The following DECR2 variants were observed in gnomAD, a reference collection of about 807,000 sequenced individuals.
DECR2 encodes the protein peroxisomal 2,4-dienoyl-CoA reductase [(3E)-enoyl-CoA-producing].
Under a neutral mutation model 29.2 loss-of-function variants are expected in DECR2, and 34 were observed. The observed-to-expected ratio is 1.16, with a 90% CI of 0.89 to 1.55. The LOEUF (loss-of-function observed/expected upper bound fraction) is 1.55, where lower values mean the gene tolerates loss of function less well. Ranked by LOEUF, DECR2 falls within the 40% of genes most tolerant of loss-of-function variation. The pLI, the probability that DECR2 is intolerant of heterozygous loss-of-function variation, is 0.00. For missense variants in DECR2, 485 were observed against 425.3 expected (o/e 1.14, Z -1.23); for synonymous variants, 224 against 182.7 (o/e 1.23, Z -1.82).
In DECR2 at chr16:405,024, G is replaced by C; in HGVS notation, c.149G>C (p.Arg50Pro). The change falls in exon 2 of 9, where the codon CGG (arginine) becomes CCG (proline). Residue 50 changes from arginine (R) to proline (P), a missense_variant and splice_region_variant. Physicochemically the swap from Arg to Pro is moderately radical, Grantham distance 103. Transcript: ENST00000219481. ...IGFRIAEIFM[R>P]HGCHTVIASR... ...TTCCGGATTGCTGAGATTTTCATGC[G>C]GTGAGACTGCTCTGTGTCCCTTCCC... 6.2e-7 allele frequency: 1 copy of C among 1,614,052 alleles called. No individual in the cohort carries two copies. Among genetic ancestry groups the C allele is most frequent in the African/African-American group, 1.3e-5 (1 of 75,032 alleles).
Position 410,453 on chromosome 16 carries a change from G to C in DECR2, c.462+86G>C. The C allele has an allele frequency of 1.9e-6, 3 of 1,564,718 alleles. No homozygotes were observed. Among genetic ancestry groups the C allele is most frequent in the Non-Finnish European group, 1.7e-6 (2 of 1,154,448 alleles). ...AGAAGTTCTTCCGGGTGGGTGCCTT[G>C]TGCGCTCTGTGAGAAGTTCTTCCGG... On this transcript the variant is annotated intron_variant, in intron 5 of 8. Transcript: ENST00000219481. This position sits in a 1 kb window ranked among gnomAD's most constrained non-coding sequence, Gnocchi z 4.1.
At chr16:411,639 G>C in intron 8 of DECR2, 61 bp downstream of exon 8, 1 of 1,549,454 alleles carries the variant, frequency 6.5e-7, no homozygotes, top group Non-Finnish European at 8.8e-7. Context: ...TCACTGCATG[G>C]GCAGGTCTCT....
At chr16:404,849 C>G (rs935809008) in intron 1 of DECR2, 107 bp from the exon 2 acceptor site, 3 of 1,032,026 alleles carry the variant, frequency 2.9e-6, no homozygotes. Flanking sequence ...AAGCTGGTCT[C>G]GATCTCCTGA....
rs1027133091 is a variant in DECR2, at chr16:410,344, G to A, written c.439G>A (p.Val147Met). Residue 147 changes from valine to methionine, a missense_variant, in exon 5 of 9, where the codon GTG becomes ATG. Physicochemically the swap from Val to Met is conservative, Grantham distance 21. Transcript: ENST00000219481. The surrounding 1 kb of genome is among the most constrained non-coding windows in gnomAD (Gnocchi z 4.1). ...DTSGTFNVSR[V>M]LYEKFFRDHG... Reference sequence around the variant, plus strand: ...CAGCGGCACCTTCAATGTGTCTCGTGTGCTCTATGAGAAGTTCTTCCGGGT... The same window carrying A: ...CAGCGGCACCTTCAATGTGTCTCGTATGCTCTATGAGAAGTTCTTCCGGGT... 3.1e-6 allele frequency: 5 copies of A among 1,611,958 alleles called. No individual in the cohort carries two copies. Among genetic ancestry groups the A allele is most frequent in the African/African-American group, 1.3e-5 (1 of 74,850 alleles).
rs142463074 is a variant in DECR2 at position 410,837 on chromosome 16, G to T, written c.556+53G>T. The T allele has an allele frequency of 6.6e-7, 1 of 1,513,190 alleles. No homozygotes were observed. Among genetic ancestry groups the T allele is most frequent in the East Asian group, 2.5e-5 (1 of 40,776 alleles). The allele number at this position is 1,513,190 out of a possible 1,614,324, so 93.7% of individuals were successfully genotyped here. A position where few individuals can be genotyped will look rare whatever the true frequency, so the allele number is the denominator to read the frequency against. On this transcript the variant is annotated intron_variant, in intron 6 of 8. Transcript: ENST00000219481. This position sits in a 1 kb window ranked among gnomAD's most constrained non-coding sequence, Gnocchi z 4.1. The stretch of plus-strand genomic sequence containing the variant: ...TGCCCACGTGGGTCCCCAATGGGCC[G>T]TCTGCTTCCATCCCAGGAGGCCAGC...
At position 401,987 on chromosome 16, in the gene DECR2, G is replaced by C. The variant is rs1223042691; in HGVS notation, c.24G>C (p.Val8=). Residue 8 remains valine (V), a synonymous_variant, in exon 1 of 9, where the codon GTG becomes GTC. Transcript: ENST00000219481. The part of the protein sequence containing the change: MAQPPPD[V]EGDDCLPAYR... ...CCATGGCCCAGCCGCCGCCCGACGT[G>C]GAGGGGGACGACTGTCTCCCCGCGT... 2 of 1,491,182 alleles carry C rather than the reference G, an allele frequency of 1.3e-6. No individual in the cohort carries two copies. Among genetic ancestry groups the C allele is most frequent in the Non-Finnish European group, 1.8e-6 (2 of 1,128,640 alleles). The allele number at this position is 1,491,182 out of a possible 1,614,324, so 92.4% of individuals were successfully genotyped here. A position where few individuals can be genotyped will look rare whatever the true frequency, so the allele number is the denominator to read the frequency against.
At chr16:406,520 G>A (rs1597200053) in intron 3 of DECR2, 123 bp downstream of exon 3, 10 of 948,548 alleles carry the variant, frequency 1.1e-5, no homozygotes, top group Admixed American at 4.5e-5. Context: ...TTTCTGAGAC[G>A]GGAGTCTCGC....
intron 2 of DECR2, chr16:405,636 AG>A: frequency 7.7e-7 from 1 of 1,292,096 alleles, no homozygotes; most frequent in Non-Finnish European, 1.0e-6. Context: ...CCAAAGAACA[AG>A]GCAGACAGAT....
chr16:405,653 T>A, intron 2 of DECR2: 1 of 1,261,670 alleles, frequency 7.9e-7, no homozygotes, highest in Non-Finnish European at 1.1e-6. Context: ...CAGATCCCGT[T>A]TGTCTGTGTC....
At chr16:407,001 T>C (rs1352075278) in intron 3 of DECR2, 6 of 1,024,406 alleles carry the variant, frequency 5.9e-6, no homozygotes, top group Admixed American at 5.4e-5. Context: ...AATCTAGTTA[T>C]TGGGTTCTGG....
chr16:406,207 C>A (rs928887610), intron 2 of DECR2, 139 bp from the exon 3 acceptor site: 1 of 825,682 alleles, frequency 1.2e-6, no homozygotes, highest in Non-Finnish European at 1.9e-6. Flanking sequence ...GTCCTGTTCA[C>A]GCCCCTGTGC....
intron 4 of DECR2, among the ~76,000 whole-genome samples, chr16:409,224 T>G (rs1049416180): frequency 6.6e-6 from 1 of 151,948 alleles, no homozygotes; most frequent in South Asian, 2.1e-4. Flanking sequence ...CAGGCTGGAG[T>G]GCAGTGGCGC....
In DECR2 at chr16:411,341, A is replaced by AGCCTTCTGCTGCCCTCC; in HGVS notation, c.662-19_662-3dup. 1 of 1,595,382 alleles carries AGCCTTCTGCTGCCCTCC rather than the reference A, an allele frequency of 6.3e-7. No individual in the cohort carries two copies. Among genetic ancestry groups the AGCCTTCTGCTGCCCTCC allele is most frequent in the Non-Finnish European group, 8.5e-7 (1 of 1,174,760 alleles). On this transcript the variant is annotated intron_variant, in intron 7 of 8. Coordinates refer to ENST00000219481, the MANE Select transcript of DECR2 (RefSeq NM_020664.4). ...TGGGTCTTGGGGCTCACGGGGCCTG[A>AGCCTTCTGCTGCCCTCC]GCCTTCTGCTGCCCTCCAGGTGGCC...
chr16:411,241 C>T (rs962247822), intron 7 of DECR2, 120 bp from the exon 8 acceptor site: 8 of 1,204,132 alleles, frequency 6.6e-6, no homozygotes, highest in African/African-American at 4.6e-5. Context: ...CATGCTAGGC[C>T]TTGGTGACAC....
chr16:403,665 C>G (rs117386203), intron 1 of DECR2, among the ~76,000 whole-genome samples: 3 of 152,180 alleles, frequency 2.0e-5, no homozygotes, highest in African/African-American at 7.2e-5. Context: ...TTTGTGTCAG[C>G]ACAAGTTCAG....
chr16:410,544 T>C lies in DECR2; in HGVS notation c.463-147T>C, dbSNP rs983005097. ...CCGCTCCCTGCCCTGGGCCTCCCCA[T>C]GACGGCCGCCCGCTCCCTGCCCTGG... On this transcript the variant is annotated intron_variant, in intron 5 of 8. Transcript: ENST00000219481. The surrounding 1 kb of genome is among the most constrained non-coding windows in gnomAD (Gnocchi z 4.1). The C allele has an allele frequency of 5.2e-5, 74 of 1,432,250 alleles. No individual in the cohort carries two copies. The highest frequency in any genetic ancestry group is 6.4e-5 in the Non-Finnish European group (67 of 1,046,410). The allele number at this position is 1,432,250 out of a possible 1,614,324, so 88.7% of individuals were successfully genotyped here.
intron 4 of DECR2, among the ~76,000 whole-genome samples, chr16:407,796 G>GCCTCTGTCTCCGGGC (rs140190693): frequency 0.012 from 987 of 81,770 alleles, 60 homozygotes; most frequent in South Asian, 0.086. Flanking sequence ...CTGTCTCCGG[G>GCCTCTGTCTCCGGGC]CTCTGTCTCC....
In DECR2 at chr16:404,975, A is replaced by C. The variant is rs777428498; in HGVS notation, c.100A>C (p.Thr34Pro). The change falls in exon 2 of 9, where the codon ACA (threonine) becomes CCA (proline). Residue 34 changes from threonine (T) to proline (P), a missense_variant. By Grantham distance (38) the Thr-to-Pro change is conservative. Coordinates refer to ENST00000219481, the MANE Select transcript of DECR2 (RefSeq NM_020664.4). ...TCTCAGGGACAAAGTGGCCTTCATC[A>C]CAGGAGGCGGCTCTGGGATTGGGTT... ...DLLRDKVAFI[T>P]GGGSGIGFRI... 9 of 1,613,928 alleles carry C rather than the reference A, an allele frequency of 5.6e-6. No individual in the cohort carries two copies. In the African/African-American group the frequency reaches 1.2e-4, roughly 22 times the overall value.
chr16:407,989 CT>C (rs1460039356), intron 4 of DECR2, among the ~76,000 whole-genome samples: 1 of 100,650 alleles, frequency 9.9e-6, no homozygotes, highest in Non-Finnish European at 2.1e-5. Context: ...CTCCGGGCCC[CT>C]GTCTCCGGGC....
Sources: allele counts gnomAD v4.1 joint callset (sites outside exome capture counted in the v4.1 genomes callset), GRCh38; gene constraint gnomAD v4.1.1; non-coding constraint Gnocchi (gnomAD v3.1); transcripts MANE v1.5; gene names NCBI Gene and HGNC (gene_info 2026-07-23, HGNC 2026-07-21).